Variants in MMRN1 observed in about 807,000 individuals in gnomAD.
MMRN1 encodes multimerin 1, also known as multimerin-1.
In MMRN1, 94 loss-of-function variants were observed where a neutral mutation model predicts 100.7. That is an observed-to-expected ratio of 0.93 (90% CI 0.79 to 1.11). MMRN1 has a LOEUF of 1.11. Ranked by LOEUF, MMRN1 falls within the 50% of genes least tolerant of loss-of-function variation. MMRN1 has a pLI of 0.00. For synonymous variants in MMRN1, 575 were observed against 505.0 expected, an observed-to-expected ratio of 1.14 and a Z score of -1.86; for missense variants, 1,606 against 1,439.1, an observed-to-expected ratio of 1.12 and a Z score of -1.88.
chr4:89,933,278 T>C (rs182341739), intron 5 of MMRN1, among the ~76,000 whole-genome samples: 2 of 152,152 alleles, frequency 1.3e-5, no homozygotes, highest in Non-Finnish European at 2.9e-5. Flanking sequence ...CTGGACTTTT[T>C]GGTCAAAACC....
chr4:89,932,260 T>G (rs1437703873), intron 5 of MMRN1, among the ~76,000 whole-genome samples: 1 of 152,088 alleles, frequency 6.6e-6, no homozygotes, highest in East Asian at 1.9e-4. Context: ...ATGCAAGAGG[T>G]GGGTCCCCAT....
Position 89,935,180 on chromosome 4 carries a change from T to C in MMRN1, c.1500T>C (p.Ile500=), listed in dbSNP as rs748355113. 6.2e-6 allele frequency: 10 copies of C among 1,613,362 alleles called. No homozygotes were observed. The South Asian group carries it at 8.8e-5, about 14-fold the overall frequency. ...GALEQEHSRS[I]LYYESLNKTL... ...TAGAACAGGAACACTCAAGAAGCAT[T>C]CTGTATTATGAATCCCTCAATAAAA... Residue 500 remains isoleucine, a synonymous_variant, in exon 6 of 8, where the codon ATT becomes ATC. Transcript: ENST00000264790.
chr4:89,940,671 T>A (rs1436618186), intron 6 of MMRN1, among the ~76,000 whole-genome samples: 4 of 152,138 alleles, frequency 2.6e-5, no homozygotes, highest in South Asian at 4.1e-4. Flanking sequence ...TCCTCATTTA[T>A]AAAATAAGAA....
In MMRN1 at chr4:89,954,604, A is replaced by G. The variant is rs1723287965; in HGVS notation, c.*1186A>G. The G allele has an allele frequency of 6.6e-6, 1 of 152,202 alleles. No individual in the cohort carries two copies. The highest frequency in any genetic ancestry group is 1.5e-5 in the Non-Finnish European group (1 of 68,040). The allele number at this position is 152,202 out of a possible 1,614,324, so 9.4% of individuals were successfully genotyped here. ...ATTTTCATAAGTAATAATAAAAATA[A>G]TAATAAAAAAGTTTTGGTATGGTAA... On this transcript the variant is annotated 3_prime_UTR_variant, in exon 8 of 8. Coordinates refer to ENST00000264790, the MANE Select transcript of MMRN1 (RefSeq NM_007351.3).
intron 3 of MMRN1, among the ~76,000 whole-genome samples, chr4:89,916,677 T>C (rs1721931093): frequency 6.6e-6 from 1 of 151,682 alleles, no homozygotes; most frequent in Non-Finnish European, 1.5e-5. Context: ...TTTCAATTGC[T>C]TGTTTTTTTT....
rs542905278 is a variant in MMRN1, at chr4:89,923,115, A to G, written c.851-53A>G. The G allele has an allele frequency of 1.3e-5, 19 of 1,414,528 alleles. 2 individuals carry two copies. Among genetic ancestry groups the G allele is most frequent in the Middle Eastern group, 1.8e-4 (1 of 5,608 alleles). 87.6% of individuals were successfully genotyped at this position (1,414,528 alleles called of 1,614,324 possible). On this transcript the variant is annotated intron_variant, in intron 3 of 7. Coordinates refer to ENST00000264790, the MANE Select transcript of MMRN1 (RefSeq NM_007351.3). ...AAATTATTGTTCAGGACTGGAAAAA[A>G]TGAGGCTGTCCCAGTGCTTAACTGT... is the stretch of plus-strand genomic sequence containing the variant.
rs189549191 is a variant in MMRN1 at position 89,910,944 on chromosome 4, C to T, written c.744-1000C>T. On this transcript the variant is annotated intron_variant, in intron 2 of 7. Coordinates refer to ENST00000264790, the MANE Select transcript of MMRN1 (RefSeq NM_007351.3). The stretch of plus-strand genomic sequence containing the variant: ...TCTCCATATAGTTGTACGTGGCAAA[C>T]TCCAGGATAATAACAAGGGAGGCTA... Among the ~76,000 whole-genome samples the T allele has an allele frequency of 1.5e-4, 23 of 151,492 alleles. No homozygotes were observed. In the East Asian group the frequency reaches 4.1e-3, roughly 27 times the overall value.
rs144238173 is a variant in MMRN1, at chr4:89,907,246, G to A, written c.624-2030G>A. 3.3e-3 allele frequency among the ~76,000 whole-genome samples: 493 copies of A among 151,492 alleles called. 5 individuals are homozygous for A. Among genetic ancestry groups the A allele is most frequent in the African/African-American group, 0.011 (473 of 41,444 alleles). Reference sequence around the variant, plus strand: ...ATTATTTTTGCCTCAATTGTCACCAGTGATTTAACAACATGTGCCAGCATG... The same window carrying A: ...ATTATTTTTGCCTCAATTGTCACCAATGATTTAACAACATGTGCCAGCATG... On this transcript the variant is annotated intron_variant, in intron 1 of 7. Coordinates refer to ENST00000264790, the MANE Select transcript of MMRN1 (RefSeq NM_007351.3).
chr4:89,936,025 T>G lies in MMRN1; in HGVS notation c.2345T>G (p.Leu782Arg). The change falls in exon 6 of 8, where the codon CTG (leucine) becomes CGG (arginine). Residue 782 changes from leucine (L) to arginine (R), a missense_variant. Leu to Arg is a moderately radical substitution (Grantham distance 102). Transcript: ENST00000264790. Reference sequence around the variant, plus strand: ...ACATTTATTCCTCAGTTCCACCGTCTGAATGATTCTATTCAGACTTTGGTC... The same window carrying G: ...ACATTTATTCCTCAGTTCCACCGTCGGAATGATTCTATTCAGACTTTGGTC... ...ILTFIPQFHR[L>R]NDSIQTLVND... 2 of 1,613,048 alleles carry G rather than the reference T, an allele frequency of 1.2e-6. No individual in the cohort carries two copies. The highest frequency in any genetic ancestry group is 1.7e-6 in the Non-Finnish European group (2 of 1,179,572).
chr4:89,941,309 T>C (rs188600444), intron 6 of MMRN1, among the ~76,000 whole-genome samples: 1 of 152,140 alleles, frequency 6.6e-6, no homozygotes, highest in Non-Finnish European at 1.5e-5. Flanking sequence ...TGTGGCTTAT[T>C]ATGGCAAAAA....
intron 4 of MMRN1, among the ~76,000 whole-genome samples, chr4:89,926,703 C>T (rs953472055): frequency 1.3e-5 from 2 of 152,114 alleles, no homozygotes; most frequent in African/African-American, 4.8e-5. Context: ...AAATTTTTGC[C>T]TAGACCAAAT....
chr4:89,887,334 T>G (rs533858077), intron 1 of MMRN1, among the ~76,000 whole-genome samples: 5 of 152,164 alleles, frequency 3.3e-5, no homozygotes, highest in African/African-American at 1.2e-4. Flanking sequence ...AAATACAGAA[T>G]AGCCAAAGCA....
chr4:89,905,999 T>A (rs183735309), intron 1 of MMRN1, among the ~76,000 whole-genome samples: 33 of 151,686 alleles, frequency 2.2e-4, no homozygotes, highest in African/African-American at 7.7e-4. Flanking sequence ...TCTTAGATTA[T>A]CCCTTTATTT....
chr4:89,943,986 A>G (rs1351178349), intron 6 of MMRN1, among the ~76,000 whole-genome samples: 2 of 152,114 alleles, frequency 1.3e-5, no homozygotes, highest in African/African-American at 4.8e-5. Flanking sequence ...TGTCTCAAAA[A>G]AAAAAAAATG....
chr4:89,902,560 C>T lies in MMRN1; in HGVS notation c.624-6716C>T, dbSNP rs148843502. 5.0e-4 allele frequency among the ~76,000 whole-genome samples: 76 copies of T among 152,080 alleles called. 1 individual carries two copies. In the East Asian group the frequency reaches 0.013, roughly 25 times the overall value. On this transcript the variant is annotated intron_variant, in intron 1 of 7. Coordinates refer to ENST00000264790, the MANE Select transcript of MMRN1 (RefSeq NM_007351.3). ...GATGGCCATACATTCGGCTCGTTCT[C>T]ATAAAACTTTACACTGACAATATTG... is the stretch of plus-strand genomic sequence containing the variant.
intron 1 of MMRN1, among the ~76,000 whole-genome samples, chr4:89,901,663 A>C (rs1474008359): frequency 6.6e-6 from 1 of 152,066 alleles, no homozygotes; most frequent in African/African-American, 2.4e-5. Context: ...TTTGTGAAAT[A>C]GATGTCTCTA....
At chr4:89,894,799 C>A, upstream of MMRN1, 1 of 1,206,890 alleles carries the variant, frequency 8.3e-7, no homozygotes, top group African/African-American at 1.5e-5. Context: ...CCTACAGAAA[C>A]AGGAAACCGA....
chr4:89,884,415 G>A (rs1578456854), intron 1 of MMRN1, among the ~76,000 whole-genome samples: 3 of 151,952 alleles, frequency 2.0e-5, no homozygotes, highest in African/African-American at 7.3e-5. Context: ...GCAAAATTTT[G>A]TTTATTCCAA....
intron 6 of MMRN1, among the ~76,000 whole-genome samples, chr4:89,938,096 T>C (rs1052857137): frequency 1.3e-5 from 2 of 152,110 alleles, no homozygotes; most frequent in East Asian, 1.9e-4. Context: ...AGGATGATCA[T>C]TATTCTAACA....
Sources: allele counts gnomAD v4.1 joint callset (sites outside exome capture counted in the v4.1 genomes callset), GRCh38; gene constraint gnomAD v4.1.1; transcripts MANE v1.5; gene names NCBI Gene and HGNC (gene_info 2026-07-23, HGNC 2026-07-21).